ANK2: variants seen among roughly 807,000 people sequenced by gnomAD.
ANK2 encodes the protein ankyrin 2.
A neutral mutation model predicts 360.5 loss-of-function variants in ANK2; 83 were observed. The observed-to-expected ratio is 0.23, with a 90% confidence interval of 0.19 to 0.28. ANK2 has a LOEUF of 0.28. ANK2 is among the 10% of genes least tolerant of loss of function. The probability of loss-of-function intolerance (pLI) is 1.00; values close to 1 mark genes in which losing one functional copy is unlikely to be tolerated. For synonymous variants in ANK2, 1,740 were observed against 1,759.5 expected (o/e 0.99, Z 0.28); for missense variants, 4,201 against 4,795.7 (o/e 0.88, Z 3.66).
At chr4:113,349,486 G>T (rs1272795724) in intron 36 of ANK2, among the ~76,000 whole-genome samples, 2 of 151,672 alleles carry the variant, frequency 1.3e-5, no homozygotes, top group African/African-American at 4.8e-5. Context: ...TTTTTTTTCT[G>T]ATACCTTGCA....
intron 26 of ANK2, among the ~76,000 whole-genome samples, chr4:113,319,654 TAA>T (rs1212768554): frequency 2.0e-5 from 3 of 152,186 alleles, no homozygotes; most frequent in Middle Eastern, 3.4e-3. Flanking sequence ...TACAATAACA[TAA>T]GTTATATAGT....
chr4:112,999,455 C>T (rs946029563), intron 2 of ANK2, among the ~76,000 whole-genome samples: 5 of 152,078 alleles, frequency 3.3e-5, no homozygotes, highest in East Asian at 1.9e-4. Flanking sequence ...TGGGGCACCA[C>T]GAAACTAAGC....
At chr4:113,132,169 T>G (rs895821220) in intron 1 of ANK2, among the ~76,000 whole-genome samples, 1 of 152,114 alleles carries the variant, frequency 6.6e-6, no homozygotes, top group African/African-American at 2.4e-5. Flanking sequence ...CATTTTGGAG[T>G]AGATTATTTG....
At position 113,353,649 on chromosome 4, in the gene ANK2, G is replaced by T. The variant is rs1333983188; in HGVS notation, c.5031G>T (p.Lys1677Asn). Residue 1677 changes from lysine to asparagine, a missense_variant, in exon 38 of 46, where the codon AAG becomes AAT. Physicochemically the swap from Lys to Asn is moderately conservative, Grantham distance 94. Around this residue, in one of 4 missense-constraint regions of ANK2, gnomAD observed 1,268 missense variants for 1,650.8 expected, o/e 0.77. Transcript: ENST00000357077. ...TGGCTGTTGGCAGGAGCTCTGAAAAGGAAGGGAAAGACATACCCCCAGATG... is the reference window on the plus strand; with the variant it reads ...TGGCTGTTGGCAGGAGCTCTGAAAATGAAGGGAAAGACATACCCCCAGATG... ...EALAVGRSSE[K>N]EGKDIPPDET... is the part of the protein sequence containing the mutation. 2 of 1,614,002 alleles carry T rather than the reference G, an allele frequency of 1.2e-6. No individual in the cohort carries two copies. The highest frequency in any genetic ancestry group is 4.5e-5 in the East Asian group (2 of 44,868).
chr4:113,316,944 T>A (rs2083270422), intron 24 of ANK2, among the ~76,000 whole-genome samples: 1 of 152,232 alleles, frequency 6.6e-6, no homozygotes, highest in Non-Finnish European at 1.5e-5. Context: ...CAGGTGTGTC[T>A]GTGTTCTGGG....
chr4:113,156,386 T>TTTTTTTTTTTTTTTTTTTC (rs2097297451), intron 1 of ANK2, among the ~76,000 whole-genome samples: 1 of 149,606 alleles, frequency 6.7e-6, no homozygotes, highest in Non-Finnish European at 1.5e-5. Context: ...TTTTTTGTTT[T>TTTTTTTTTTTTTTTTTTTC]TGAGACAGAG....
At chr4:112,727,885 C>T in the ANK2 span, among the ~76,000 whole-genome samples, 17 of 152,112 alleles carry the variant, frequency 1.1e-4, no homozygotes, top group Non-Finnish European at 1.2e-4. Context: ...GAGGCTGAGG[C>T]AGAATTGCTT....
At chr4:112,936,348 CCT>C (rs2093713679) in intron 2 of ANK2, among the ~76,000 whole-genome samples, 2 of 151,188 alleles carry the variant, frequency 1.3e-5, no homozygotes, top group African/African-American at 4.9e-5. Context: ...TAATCATTAT[CCT>C]TTTTTTTTTT....
intron 1 of ANK2, among the ~76,000 whole-genome samples, chr4:113,109,748 A>G (rs1203191639): frequency 6.6e-6 from 1 of 152,008 alleles, no homozygotes; most frequent in Admixed American, 6.6e-5. Flanking sequence ...TTAAGAAGTT[A>G]TTTATATTTT....
At chr4:112,922,338 AT>A (rs2091735181) in intron 2 of ANK2, among the ~76,000 whole-genome samples, 2 of 152,174 alleles carry the variant, frequency 1.3e-5, no homozygotes, top group African/African-American at 4.8e-5. Flanking sequence ...ATGGTGTTGC[AT>A]TCAATCTGTG....
the ANK2 span, among the ~76,000 whole-genome samples, chr4:112,779,161 T>A: frequency 6.6e-6 from 1 of 152,238 alleles, no homozygotes; most frequent in Non-Finnish European, 1.5e-5. Context: ...GTATATTTTT[T>A]AATGTACATC....
In ANK2 at chr4:112,999,522, T is replaced by C. The variant is rs116389874; in HGVS notation, c.21+95008T>C. ...GGGAGGGGACAAAATTCCTGAAGTG[T>C]ATATATACTTTTGAAATATTTTGTG... On this transcript the variant is annotated intron_variant, in intron 2 of 30. Coordinates refer to the ANK2 transcript ENST00000503271. Among the ~76,000 whole-genome samples the C allele has an allele frequency of 5.3e-3, 814 of 152,250 alleles. 12 individuals carry two copies. Among genetic ancestry groups the C allele is most frequent in the African/African-American group, 0.018 (768 of 41,540 alleles).
chr4:113,119,903 AT>A, intron 1 of ANK2, among the ~76,000 whole-genome samples: 1 of 105,820 alleles, frequency 9.5e-6, no homozygotes, highest in Non-Finnish European at 2.2e-5. Context: ...GAATATTTGT[AT>A]TATTATTTTG....
chr4:113,362,720 G>C (rs908942227), intron 39 of ANK2, among the ~76,000 whole-genome samples: 2 of 152,128 alleles, frequency 1.3e-5, no homozygotes, highest in African/African-American at 2.4e-5. Context: ...TAAAGTTCTA[G>C]GATTACAGGC....
intron 2 of ANK2, among the ~76,000 whole-genome samples, chr4:113,179,165 A>C (rs1181838319): frequency 2.0e-5 from 3 of 152,216 alleles, no homozygotes; most frequent in Admixed American, 6.5e-5. Flanking sequence ...GCTATTTCTA[A>C]GTATACAATA....
intron 1 of ANK2, among the ~76,000 whole-genome samples, chr4:113,132,665 A>C (rs891680973): frequency 1.3e-5 from 2 of 152,154 alleles, no homozygotes; most frequent in African/African-American, 4.8e-5. Context: ...GAACTGATCT[A>C]GAGTAGATCA....
the ANK2 span, among the ~76,000 whole-genome samples, chr4:112,739,668 G>A: frequency 6.6e-6 from 1 of 152,098 alleles, no homozygotes; most frequent in African/African-American, 2.4e-5. Flanking sequence ...CCCATTTCCT[G>A]ATGTTCCCTT....
chr4:112,764,932 C>T, the ANK2 span, among the ~76,000 whole-genome samples: 2 of 152,078 alleles, frequency 1.3e-5, no homozygotes, highest in South Asian at 2.1e-4. Context: ...TCTTGAACTC[C>T]TGACCTCAGG....
chr4:112,929,409 A>G (rs2092936270), intron 2 of ANK2, among the ~76,000 whole-genome samples: 1 of 152,202 alleles, frequency 6.6e-6, no homozygotes, highest in Non-Finnish European at 1.5e-5. Flanking sequence ...AGAAAGGCAA[A>G]TTGCCTTCAG....
Sources: gnomAD v4.1 joint callset for allele counts (sites outside exome capture counted in the v4.1 genomes callset) on GRCh38, gnomAD v4.1.1 for gene constraint, gnomAD v4.1.1 regional missense constraint, MANE v1.5 for transcripts, NCBI Gene and HGNC (gene_info 2026-07-23, HGNC 2026-07-21) for gene names.